The following CPVL variants were observed in gnomAD, a reference collection of about 807,000 sequenced individuals.
CPVL encodes the protein probable serine carboxypeptidase CPVL.
CPVL carries 51 observed loss-of-function variants against 63.7 expected under a neutral mutation model. The ratio of observed to expected loss-of-function variants is 0.80; its 90% CI spans 0.64 to 1.01. CPVL has a LOEUF of 1.01. CPVL is among the 50% of genes least tolerant of loss of function. The probability of loss-of-function intolerance (pLI) is 0.00; values close to 1 mark genes in which losing one functional copy is unlikely to be tolerated. For missense variants in CPVL, 530 were observed against 573.1 expected (o/e 0.92, Z 0.77); for synonymous variants, 195 against 206.0 (o/e 0.95, Z 0.46).
chr7:29,150,693 C>T (rs907746968), upstream of CPVL, among the ~76,000 whole-genome samples: 1 of 152,194 alleles, frequency 6.6e-6, no homozygotes, highest in Admixed American at 6.5e-5. Context: ...ACCTTGTAGG[C>T]AATCATGCCC....
At chr7:29,017,463 A>G (rs1367549581) in intron 12 of CPVL, among the ~76,000 whole-genome samples, 3 of 152,146 alleles carry the variant, frequency 2.0e-5, no homozygotes, top group African/African-American at 7.2e-5. Context: ...GTGAAACCCC[A>G]TCTCCACTAA....
At chr7:28,997,128 A>G (rs1784161649) in intron 12 of CPVL, among the ~76,000 whole-genome samples, 1 of 152,224 alleles carries the variant, frequency 6.6e-6, no homozygotes, top group Non-Finnish European at 1.5e-5. Context: ...AGCTGTCATG[A>G]TTCAGTGCCA....
At chr7:29,085,726 G>A (rs553545390) in intron 7 of CPVL, among the ~76,000 whole-genome samples, 1 of 152,214 alleles carries the variant, frequency 6.6e-6, no homozygotes, top group Non-Finnish European at 1.5e-5. Context: ...ATCACCAACA[G>A]TGGGACAAAC....
At chr7:29,040,792 G>T (rs181095718) in intron 11 of CPVL, among the ~76,000 whole-genome samples, 1 of 152,058 alleles carries the variant, frequency 6.6e-6, no homozygotes, top group African/African-American at 2.4e-5. Context: ...ATGTCTTTTG[G>T]CCAAAAAAAA....
intron 12 of CPVL, among the ~76,000 whole-genome samples, chr7:29,019,623 A>G (rs1263206934): frequency 2.0e-5 from 3 of 152,242 alleles, no homozygotes; most frequent in East Asian, 1.9e-4. Context: ...CTTTTTTGGC[A>G]GACACATACC....
chr7:29,184,047 AAG>A (rs1193727385), intron 4 of CPVL, among the ~76,000 whole-genome samples: 1 of 151,996 alleles, frequency 6.6e-6, no homozygotes, highest in Non-Finnish European at 1.5e-5. Context: ...TATTTTATAT[AAG>A]ACACTTGGGC....
intron 3 of CPVL, among the ~76,000 whole-genome samples, chr7:29,098,430 T>C (rs973393922): frequency 2.0e-5 from 3 of 152,218 alleles, no homozygotes; most frequent in African/African-American, 4.8e-5. Context: ...ACCCCTCCTA[T>C]GAGGCGCCAC....
chr7:29,031,471 T>C (rs1463930138), intron 11 of CPVL, among the ~76,000 whole-genome samples: 1 of 152,174 alleles, frequency 6.6e-6, no homozygotes, highest in Non-Finnish European at 1.5e-5. Flanking sequence ...CTAAAGCAAT[T>C]TTCAATTTGC....
intron 7 of CPVL, among the ~76,000 whole-genome samples, chr7:29,079,749 C>T (rs1386680551): frequency 6.6e-6 from 1 of 152,190 alleles, no homozygotes; most frequent in Non-Finnish European, 1.5e-5. Flanking sequence ...TCTAGAATCG[C>T]TCTCCCACCC....
intron 11 of CPVL, among the ~76,000 whole-genome samples, chr7:29,053,948 G>T (rs1790454871): frequency 6.6e-6 from 1 of 151,790 alleles, no homozygotes; most frequent in Admixed American, 6.6e-5. Flanking sequence ...GCCAGCACAT[G>T]CCTATAGTCC....
At chr7:29,018,207 T>C (rs952672414) in intron 12 of CPVL, among the ~76,000 whole-genome samples, 7 of 152,080 alleles carry the variant, frequency 4.6e-5, no homozygotes, top group African/African-American at 1.4e-4. Context: ...TTTTTCAATA[T>C]TTATATGAAA....
intron 5 of CPVL, among the ~76,000 whole-genome samples, chr7:29,175,743 C>T (rs1299668061): frequency 6.6e-6 from 1 of 151,338 alleles, no homozygotes; most frequent in East Asian, 1.9e-4. Flanking sequence ...CCAAGCGGAG[C>T]ACAGGGAAAA....
intron 12 of CPVL, chr7:29,010,671 A>G (rs1443016585): frequency 6.6e-6 from 1 of 152,130 alleles, no homozygotes; most frequent in Non-Finnish European, 1.5e-5. Context: ...TTTAATACAA[A>G]ATGTCTCTTA....
At chr7:29,038,940 C>A (rs978215546) in intron 11 of CPVL, among the ~76,000 whole-genome samples, 4 of 152,116 alleles carry the variant, frequency 2.6e-5, no homozygotes, top group African/African-American at 9.7e-5. Context: ...GAGATCTCTG[C>A]CTATTCAACA....
At chr7:29,107,832 G>A (rs1045245729) in intron 3 of CPVL, among the ~76,000 whole-genome samples, 1 of 152,192 alleles carries the variant, frequency 6.6e-6, no homozygotes, top group Non-Finnish European at 1.5e-5. Context: ...GCAGATGAGG[G>A]AGTGTACATG....
At chr7:29,105,355 A>G (rs1226130078) in intron 3 of CPVL, among the ~76,000 whole-genome samples, 1 of 152,198 alleles carries the variant, frequency 6.6e-6, no homozygotes, top group Non-Finnish European at 1.5e-5. Flanking sequence ...AGGACAGGTA[A>G]ACTTGGAAAT....
intron 12 of CPVL, among the ~76,000 whole-genome samples, chr7:29,021,667 C>T (rs1378197047): frequency 6.6e-6 from 1 of 152,014 alleles, no homozygotes; most frequent in African/African-American, 2.4e-5. Context: ...CCCTCACAAG[C>T]CCTGAGACTA....
chr7:29,100,086 C>A (rs1786941789), intron 3 of CPVL, among the ~76,000 whole-genome samples: 1 of 152,158 alleles, frequency 6.6e-6, no homozygotes, highest in African/African-American at 2.4e-5. Flanking sequence ...TGTATTCACT[C>A]AGCAGTAGGA....
intron 9 of CPVL, among the ~76,000 whole-genome samples, chr7:29,067,197 C>A (rs914377356): frequency 2.0e-5 from 3 of 152,014 alleles, no homozygotes; most frequent in Non-Finnish European, 4.4e-5. Flanking sequence ...AGGAGGAGAA[C>A]AAGATCATTG....
Sources: gnomAD v4.1 joint callset for allele counts (sites outside exome capture counted in the v4.1 genomes callset) on GRCh38, gnomAD v4.1.1 for gene constraint, MANE v1.5 for transcripts, NCBI Gene and HGNC (gene_info 2026-07-23, HGNC 2026-07-21) for gene names.